The following TMEM132D variants were observed in gnomAD, a reference collection of about 807,000 sequenced individuals.
The protein encoded by TMEM132D is mature OL transmembrane protein.
Under a neutral mutation model 62.3 loss-of-function variants are expected in TMEM132D, and 21 were observed. The observed-to-expected ratio is 0.34, with a 90% CI of 0.24 to 0.49. The LOEUF (loss-of-function observed/expected upper bound fraction) is 0.49. TMEM132D is among the 20% of genes least tolerant of loss of function. TMEM132D has a pLI of 0.99. For missense variants in TMEM132D, 1,346 were observed against 1,402.8 expected (o/e 0.96, Z 0.65); for synonymous variants, 621 against 575.6 (o/e 1.08, Z -1.13).
At chr12:129,345,693 A>C (rs959463686) in intron 3 of TMEM132D, among the ~76,000 whole-genome samples, 1 of 152,188 alleles carries the variant, frequency 6.6e-6, no homozygotes, top group African/African-American at 2.4e-5. Flanking sequence ...GATGAGAGGA[A>C]AAGAAAAAGA....
intron 1 of TMEM132D, among the ~76,000 whole-genome samples, chr12:129,818,034 GGT>G (rs1872413613): frequency 1.4e-5 from 2 of 148,036 alleles, no homozygotes; most frequent in Non-Finnish European, 3.0e-5. Flanking sequence ...TGTGGTGTGG[GGT>G]GTGTGTGTGG....
chr12:129,082,528 C>T (rs1255156782), intron 6 of TMEM132D, among the ~76,000 whole-genome samples: 1 of 152,142 alleles, frequency 6.6e-6, no homozygotes, highest in Non-Finnish European at 1.5e-5. Context: ...TGAGAGTGAC[C>T]TCTGGCCAGC....
chr12:129,761,296 G>A (rs571976534), intron 1 of TMEM132D, among the ~76,000 whole-genome samples: 1 of 152,182 alleles, frequency 6.6e-6, no homozygotes, highest in South Asian at 2.1e-4. Context: ...GAAAGACGGT[G>A]GGCACGGTTC....
At chr12:129,254,234 A>C (rs1325999682) in intron 4 of TMEM132D, among the ~76,000 whole-genome samples, 2 of 152,238 alleles carry the variant, frequency 1.3e-5, no homozygotes, top group Non-Finnish European at 2.9e-5. Context: ...AGAGCAAAGA[A>C]AACATAAATG....
chr12:129,392,897 G>C (rs761327559), intron 3 of TMEM132D, among the ~76,000 whole-genome samples: 1 of 152,160 alleles, frequency 6.6e-6, no homozygotes, highest in Non-Finnish European at 1.5e-5. Flanking sequence ...AAGACCCATC[G>C]AGGATGCATG....
intron 5 of TMEM132D, among the ~76,000 whole-genome samples, chr12:129,140,626 A>G (rs1330373580): frequency 6.6e-6 from 1 of 152,048 alleles, no homozygotes; most frequent in Non-Finnish European, 1.5e-5. Context: ...ATCACGTAAG[A>G]TCAGGAGTTC....
chr12:129,431,481 C>T (rs973773167), intron 3 of TMEM132D, among the ~76,000 whole-genome samples: 2 of 152,136 alleles, frequency 1.3e-5, no homozygotes, highest in Admixed American at 6.6e-5. Flanking sequence ...ACACGGGATG[C>T]CTTTTGGGGA....
chr12:129,304,769 T>C (rs1241162322), intron 4 of TMEM132D, among the ~76,000 whole-genome samples: 4 of 151,404 alleles, frequency 2.6e-5, no homozygotes, highest in Non-Finnish European at 5.9e-5. Context: ...GTTCAAGTGA[T>C]TGTCATGCCT....
chr12:129,656,806 A>G (rs1880095250), intron 2 of TMEM132D, among the ~76,000 whole-genome samples: 1 of 152,200 alleles, frequency 6.6e-6, no homozygotes, highest in African/African-American at 2.4e-5. Context: ...GATAGGCACT[A>G]TTATTTTACT....
intron 3 of TMEM132D, among the ~76,000 whole-genome samples, chr12:129,484,767 C>G (rs1181153416): frequency 6.6e-6 from 1 of 152,160 alleles, no homozygotes; most frequent in East Asian, 1.9e-4. Flanking sequence ...AAAATCACAC[C>G]CAAACACAGC....
Position 129,636,735 on chromosome 12 carries a change from T to TGAGA in TMEM132D, c.968+63074_968+63075insTCTC, listed in dbSNP as rs1345382936. 1.2e-3 allele frequency among the ~76,000 whole-genome samples: 112 copies of TGAGA among 91,456 alleles called. 1 individual carries two copies. Among genetic ancestry groups the TGAGA allele is most frequent in the Middle Eastern group, 6.7e-3 (1 of 150 alleles). 60.0% of individuals were successfully genotyped at this position (91,456 alleles called of 152,430 possible). ...GTGTGTGTGTGTGTGTGTGTGTGTG[T>TGAGA]GTGAGAGAGAGAGAGAGAGAGACAG... On this transcript the variant is annotated intron_variant, in intron 2 of 8. Coordinates refer to ENST00000422113, the MANE Select transcript of TMEM132D (RefSeq NM_133448.3).
chr12:129,699,672 G>A, intron 2 of TMEM132D, 138 bp downstream of exon 2: 1 of 1,034,822 alleles, frequency 9.7e-7, no homozygotes, highest in Non-Finnish European at 1.4e-6. Flanking sequence ...GTATTCCACG[G>A]TGCAGATGGA....
chr12:129,894,675 G>A (rs1263423714), intron 1 of TMEM132D, among the ~76,000 whole-genome samples: 4 of 152,024 alleles, frequency 2.6e-5, no homozygotes, highest in South Asian at 2.1e-4. Flanking sequence ...CCAGGCCTCC[G>A]CTTCCATAAG....
intron 4 of TMEM132D, among the ~76,000 whole-genome samples, chr12:129,230,654 C>G (rs922274611): frequency 6.6e-6 from 1 of 152,184 alleles, no homozygotes; most frequent in Non-Finnish European, 1.5e-5. Flanking sequence ...TGTTGATGTT[C>G]TGATCAGTTC....
rs1189643767 is a variant in TMEM132D, at chr12:129,700,601, G to A, written c.177C>T (p.Ser59=). 1 of 1,614,026 alleles carries A rather than the reference G, an allele frequency of 6.2e-7. No homozygotes were observed. The highest frequency in any genetic ancestry group is 8.5e-7 in the Non-Finnish European group (1 of 1,180,022). ...CCTGGTTGGCCTCCTTCAGGAAGAAGGAGACGTCCGCGTTGTTGATGTGGT... is the reference window on the plus strand; with the variant it reads ...CCTGGTTGGCCTCCTTCAGGAAGAAAGAGACGTCCGCGTTGTTGATGTGGT... ...VTYHINNADV[S]FFLKEANQDI... Residue 59 remains serine (S), a synonymous_variant, in exon 2 of 9, where the codon TCC becomes TCT. Transcript: ENST00000422113.
At chr12:129,567,128 C>A (rs1055788782) in intron 2 of TMEM132D, among the ~76,000 whole-genome samples, 1 of 152,200 alleles carries the variant, frequency 6.6e-6, no homozygotes, top group African/African-American at 2.4e-5. Flanking sequence ...CAGAATAAAT[C>A]TCTTCAAATA....
intron 2 of TMEM132D, among the ~76,000 whole-genome samples, chr12:129,536,457 C>T (rs535339650): frequency 2.0e-5 from 3 of 152,128 alleles, no homozygotes; most frequent in Non-Finnish European, 2.9e-5. Flanking sequence ...TGTGCAATCA[C>T]TCTTGGCTTC....
At chr12:129,195,668 T>A (rs975165499) in intron 5 of TMEM132D, among the ~76,000 whole-genome samples, 1 of 152,192 alleles carries the variant, frequency 6.6e-6, no homozygotes, top group African/African-American at 2.4e-5. Context: ...ATATTCCTAC[T>A]TATAAGGGAA....
chr12:129,312,107 A>G (rs547758406), intron 4 of TMEM132D, among the ~76,000 whole-genome samples: 1 of 152,344 alleles, frequency 6.6e-6, no homozygotes, highest in East Asian at 1.9e-4. Context: ...GAGACTTTTT[A>G]GACAGTGCAA....
Sources: gnomAD v4.1 joint callset for allele counts (sites outside exome capture counted in the v4.1 genomes callset) on GRCh38, gnomAD v4.1.1 for gene constraint, MANE v1.5 for transcripts, NCBI Gene and HGNC (gene_info 2026-07-23, HGNC 2026-07-21) for gene names.